PCDH15: variants seen among roughly 807,000 people sequenced by gnomAD.
PCDH15 encodes protocadherin related 15, also known as protocadherin-15.
A neutral mutation model predicts 178.5 loss-of-function variants in PCDH15; 129 were observed. The observed-to-expected ratio is 0.72, with a 90% CI of 0.63 to 0.84. The LOEUF is 0.84. Ranked by LOEUF, PCDH15 falls within the 40% of genes least tolerant of loss-of-function variation. The probability of loss-of-function intolerance (pLI) is 0.00; values close to 1 mark genes in which losing one functional copy is unlikely to be tolerated. For synonymous variants in PCDH15, 800 were observed against 732.0 expected (o/e 1.09, Z -1.50); for missense variants, 2,230 against 2,099.9 (o/e 1.06, Z -1.21).
At chr10:55,095,518 C>T (rs142507914) in intron 2 of PCDH15, among the ~76,000 whole-genome samples, 1 of 152,000 alleles carries the variant, frequency 6.6e-6, no homozygotes, top group African/African-American at 2.4e-5. Context: ...CTTCCACGCT[C>T]TTGTCCTTCT....
intron 2 of PCDH15, among the ~76,000 whole-genome samples, chr10:55,417,014 T>A (rs1157880192): frequency 6.6e-6 from 1 of 151,926 alleles, no homozygotes; most frequent in African/African-American, 2.4e-5. Context: ...AGACTTTGTA[T>A]GTGTCAAGCC....
intron 3 of PCDH15, among the ~76,000 whole-genome samples, chr10:54,855,732 C>T (rs1349885896): frequency 6.6e-6 from 1 of 152,124 alleles, no homozygotes; most frequent in African/African-American, 2.4e-5. Flanking sequence ...GAAATATGAT[C>T]ATCCTGCAAG....
intron 19 of PCDH15, 94 bp downstream of exon 19, chr10:54,022,798 A>T: frequency 1.7e-6 from 2 of 1,188,214 alleles, no homozygotes; most frequent in Non-Finnish European, 2.5e-6. Flanking sequence ...CCAACTTGGT[A>T]TGTTGTATTG....
At chr10:55,129,633 A>G (rs1837991559) in intron 2 of PCDH15, among the ~76,000 whole-genome samples, 1 of 152,096 alleles carries the variant, frequency 6.6e-6, no homozygotes, top group Non-Finnish European at 1.5e-5. Context: ...CCTCCTTTCC[A>G]AAGTTAGGAT....
At chr10:55,169,449 C>T in intron 1 of PCDH15, among the ~76,000 whole-genome samples, 1 of 152,142 alleles carries the variant, frequency 6.6e-6, no homozygotes, top group Non-Finnish European at 1.5e-5. Flanking sequence ...TACATTTCAA[C>T]CCTTTAAAGG....
intron 3 of PCDH15, among the ~76,000 whole-genome samples, chr10:54,525,423 A>G (rs190428948): frequency 6.6e-6 from 1 of 152,284 alleles, no homozygotes; most frequent in African/African-American, 2.4e-5. Flanking sequence ...AAATTAAGAG[A>G]GTATAGAGCA....
intron 2 of PCDH15, among the ~76,000 whole-genome samples, chr10:55,349,403 A>G (rs1472899840): frequency 2.0e-5 from 3 of 152,178 alleles, no homozygotes; most frequent in African/African-American, 4.8e-5. Context: ...TCACATTGAC[A>G]GACATCTATT....
chr10:54,649,300 T>G (rs1160228673), intron 2 of PCDH15, among the ~76,000 whole-genome samples: 3 of 152,228 alleles, frequency 2.0e-5, no homozygotes, highest in African/African-American at 7.2e-5. Flanking sequence ...TAATTTGATC[T>G]GTAATAAATT....
chr10:54,683,336 G>A (rs2135690485), intron 1 of PCDH15, among the ~76,000 whole-genome samples: 1 of 151,906 alleles, frequency 6.6e-6, no homozygotes, highest in South Asian at 2.1e-4. Flanking sequence ...TTAAATAGGT[G>A]CTCCCCATTA....
chr10:53,976,637 T>C (rs775730373), intron 21 of PCDH15, among the ~76,000 whole-genome samples: 1 of 152,168 alleles, frequency 6.6e-6, no homozygotes, highest in Non-Finnish European at 1.5e-5. Flanking sequence ...ACATATTTAC[T>C]TGTGTATGGT....
chr10:54,958,064 T>A (rs1187419274), intron 2 of PCDH15, among the ~76,000 whole-genome samples: 2 of 151,814 alleles, frequency 1.3e-5, no homozygotes, highest in African/African-American at 4.8e-5. Context: ...TCAAATTTGC[T>A]GTCCCTAGAG....
chr10:55,456,639 A>G (rs1416960591), intron 2 of PCDH15, among the ~76,000 whole-genome samples: 2 of 152,064 alleles, frequency 1.3e-5, no homozygotes, highest in Non-Finnish European at 2.9e-5. Flanking sequence ...AATATTTTCA[A>G]AATATATTTT....
At chr10:55,431,250 C>T (rs1838873892) in intron 2 of PCDH15, among the ~76,000 whole-genome samples, 2 of 152,104 alleles carry the variant, frequency 1.3e-5, no homozygotes, top group African/African-American at 2.4e-5. Flanking sequence ...CCAGATTATT[C>T]ACTATCTTCT....
At chr10:54,813,396 TC>T (rs1198716087) in intron 3 of PCDH15, among the ~76,000 whole-genome samples, 1 of 152,148 alleles carries the variant, frequency 6.6e-6, no homozygotes, top group African/African-American at 2.4e-5. Flanking sequence ...GATTTGCAAT[TC>T]CCTTGAAACC....
At chr10:53,807,227 A>C in intron 37 of PCDH15, 97 bp from the exon 38 acceptor site, 1 of 1,022,594 alleles carries the variant, frequency 9.8e-7, no homozygotes, top group Non-Finnish European at 1.4e-6. Context: ...ACATTTAGAA[A>C]GCTGTCAAAG....
chr10:54,271,987 CATATATATGATATATATATATCAT>C (rs2058073455), intron 8 of PCDH15, among the ~76,000 whole-genome samples: 1 of 141,820 alleles, frequency 7.1e-6, no homozygotes, highest in South Asian at 2.3e-4. Context: ...TACCCAGTAA[CATATATATGATATATATATATCAT>C]ATATATATAT....
intron 26 of PCDH15, among the ~76,000 whole-genome samples, chr10:53,869,426 T>C (rs1317186350): frequency 2.0e-5 from 3 of 152,158 alleles, no homozygotes; most frequent in Non-Finnish European, 4.4e-5. Flanking sequence ...TTCTTCCACA[T>C]AGAATGAGCA....
chr10:55,090,729 T>C (rs553459369), intron 2 of PCDH15, among the ~76,000 whole-genome samples: 7 of 152,194 alleles, frequency 4.6e-5, no homozygotes, highest in Non-Finnish European at 1.0e-4. Context: ...TACAGAGATT[T>C]TGAAGAACTG....
At chr10:54,626,355 C>G (rs546071771) in intron 2 of PCDH15, among the ~76,000 whole-genome samples, 1 of 152,246 alleles carries the variant, frequency 6.6e-6, no homozygotes, top group African/African-American at 2.4e-5. Flanking sequence ...GCCCTTATAC[C>G]ACAGGCCTGG....
Sources: gnomAD v4.1 joint callset for allele counts (sites outside exome capture counted in the v4.1 genomes callset) on GRCh38, gnomAD v4.1.1 for gene constraint, MANE v1.5 for transcripts, NCBI Gene and HGNC (gene_info 2026-07-23, HGNC 2026-07-21) for gene names.